MALRD1: variants seen among roughly 807,000 people sequenced by gnomAD.
MALRD1 encodes the protein MAM and LDL receptor class A domain containing 1.
Under a neutral mutation model 242.1 loss-of-function variants are expected in MALRD1, and 247 were observed. That is an observed-to-expected ratio of 1.02 (90% confidence interval 0.92 to 1.13). MALRD1 has a LOEUF of 1.13. MALRD1 is among the 50% of genes most tolerant of loss of function. The pLI, the probability that MALRD1 is intolerant of heterozygous loss-of-function variation, is 0.00. For synonymous variants in MALRD1, 995 were observed against 866.6 expected, an observed-to-expected ratio of 1.15 and a Z score of -2.60; for missense variants, 2,989 against 2,533.1, an observed-to-expected ratio of 1.18 and a Z score of -3.86.
At chr10:19,071,605 T>A (rs1240107205) in intron 2 of MALRD1, among the ~76,000 whole-genome samples, 2 of 152,152 alleles carry the variant, frequency 1.3e-5, no homozygotes, top group African/African-American at 4.8e-5. Context: ...ACGTAATCAT[T>A]ATGTTCATCA....
intron 11 of MALRD1, among the ~76,000 whole-genome samples, chr10:19,150,699 C>T (rs1833917946): frequency 6.6e-6 from 1 of 152,188 alleles, no homozygotes; most frequent in Non-Finnish European, 1.5e-5. Context: ...CTATATTTGA[C>T]AGTCCATGCT....
intron 38 of MALRD1, chr10:19,716,665 A>G (rs1834404378): frequency 6.6e-6 from 1 of 152,200 alleles, no homozygotes; most frequent in Non-Finnish European, 1.5e-5. Context: ...CTTTTCTTTT[A>G]CACCAAAGCT....
intron 36 of MALRD1, among the ~76,000 whole-genome samples, chr10:19,629,611 A>T (rs149673164): frequency 2.4e-4 from 37 of 152,248 alleles, no homozygotes; most frequent in African/African-American, 8.2e-4. Context: ...GTTGGTTGAA[A>T]ATGACACCTC....
At chr10:19,069,722 A>G (rs1835084817) in intron 2 of MALRD1, among the ~76,000 whole-genome samples, 1 of 148,268 alleles carries the variant, frequency 6.7e-6, no homozygotes, top group South Asian at 2.1e-4. Context: ...TGCTGTCTTC[A>G]CCTAGTTTCT....
intron 13 of MALRD1, among the ~76,000 whole-genome samples, chr10:19,167,704 G>A (rs549232027): frequency 2.0e-5 from 3 of 152,240 alleles, no homozygotes; most frequent in South Asian, 4.1e-4. Context: ...GCCTCCTGAG[G>A]ACAGGCTGGC....
In MALRD1 at chr10:19,734,212, A is replaced by T; in HGVS notation, c.6446A>T (p.Glu2149Val). 2 of 1,536,056 alleles carry T rather than the reference A, an allele frequency of 1.3e-6. No individual in the cohort carries two copies. The highest frequency in any genetic ancestry group is 1.7e-6 in the Non-Finnish European group (2 of 1,146,772). ...TATGGCACAACATCAGGAAGCCTGGAGACCCTGTCACATCATCTCAAATAG... is the reference window on the plus strand; with the variant it reads ...TATGGCACAACATCAGGAAGCCTGGTGACCCTGTCACATCATCTCAAATAG... The part of the protein sequence containing the change: ...PLYGTTSGSL[E>V]TLSHHLK Residue 2149 changes from glutamate (E) to valine (V), a missense_variant, in exon 40 of 40, where the codon GAG becomes GTG. Coordinates refer to ENST00000454679, the MANE Select transcript of MALRD1 (RefSeq NM_001142308.3).
At chr10:19,525,237 CTT>C (rs113486212) in intron 31 of MALRD1, among the ~76,000 whole-genome samples, 32 of 148,034 alleles carry the variant, frequency 2.2e-4, no homozygotes, top group African/African-American at 6.9e-4. Flanking sequence ...AAAGTATCAA[CTT>C]TTTTTTTTTA....
At chr10:19,603,140 G>T (rs1338349335) in intron 34 of MALRD1, among the ~76,000 whole-genome samples, 2 of 152,008 alleles carry the variant, frequency 1.3e-5, no homozygotes, top group African/African-American at 4.8e-5. Flanking sequence ...CCATTCTGTA[G>T]GTTGCCTGTT....
chr10:19,467,017 C>T (rs566917870), intron 29 of MALRD1, among the ~76,000 whole-genome samples: 2 of 152,104 alleles, frequency 1.3e-5, no homozygotes, highest in East Asian at 1.9e-4. Context: ...GGACAGAAGT[C>T]GCATTGGATT....
chr10:19,517,481 TA>T (rs1833686218), intron 31 of MALRD1, among the ~76,000 whole-genome samples: 1 of 152,206 alleles, frequency 6.6e-6, no homozygotes, highest in Non-Finnish European at 1.5e-5. Context: ...ATGCCTTTTC[TA>T]AAGAGTTTTC....
chr10:19,122,407 C>A (rs2131377013), intron 5 of MALRD1, among the ~76,000 whole-genome samples: 1 of 152,138 alleles, frequency 6.6e-6, no homozygotes. Context: ...AGTTCTCCTT[C>A]AAAGTCATCA....
intron 31 of MALRD1, among the ~76,000 whole-genome samples, chr10:19,520,948 A>G (rs1472407162): frequency 6.6e-6 from 1 of 152,170 alleles, no homozygotes; most frequent in Non-Finnish European, 1.5e-5. Flanking sequence ...ATATTTGTCT[A>G]CATTTATTTA....
chr10:19,451,087 C>G (rs1443689825), intron 29 of MALRD1, among the ~76,000 whole-genome samples: 1 of 152,182 alleles, frequency 6.6e-6, no homozygotes, highest in Non-Finnish European at 1.5e-5. Context: ...CACCTCTCTT[C>G]CTTCCGTACC....
intron 28 of MALRD1, among the ~76,000 whole-genome samples, chr10:19,437,242 G>A (rs535965100): frequency 6.6e-6 from 1 of 152,038 alleles, no homozygotes; most frequent in African/African-American, 2.4e-5. Context: ...TTGTCTCTTT[G>A]TTCTTCGTTT....
At chr10:19,248,301 T>G (rs1433512186) in intron 18 of MALRD1, among the ~76,000 whole-genome samples, 2 of 151,894 alleles carry the variant, frequency 1.3e-5, no homozygotes, top group Non-Finnish European at 2.9e-5. Flanking sequence ...TTGAAAAAAG[T>G]GTTTATTTTG....
intron 21 of MALRD1, among the ~76,000 whole-genome samples, chr10:19,319,899 T>A (rs927440959): frequency 1.4e-4 from 21 of 152,108 alleles, no homozygotes; most frequent in Non-Finnish European, 2.9e-4. Flanking sequence ...TGAGTCTTTT[T>A]TTTTAAACTT....
chr10:19,604,047 T>C (rs2131583854), intron 34 of MALRD1, among the ~76,000 whole-genome samples: 1 of 152,270 alleles, frequency 6.6e-6, no homozygotes, highest in African/African-American at 2.4e-5. Context: ...ATCTCTGACT[T>C]TAAATCAAAA....
intron 38 of MALRD1, chr10:19,722,418 C>G (rs148095035): frequency 6.6e-6 from 1 of 151,648 alleles, no homozygotes; most frequent in Non-Finnish European, 1.5e-5. Flanking sequence ...AGTGAGATGT[C>G]ATCTCTGCAA....
chr10:19,551,701 GCC>G (rs1835477791), intron 32 of MALRD1, among the ~76,000 whole-genome samples: 1 of 152,014 alleles, frequency 6.6e-6, no homozygotes, highest in Non-Finnish European at 1.5e-5. Context: ...TCTAGCTTTT[GCC>G]CATTGAGTAT....
Sources: allele counts gnomAD v4.1 joint callset (sites outside exome capture counted in the v4.1 genomes callset), GRCh38; gene constraint gnomAD v4.1.1; transcripts MANE v1.5; gene names NCBI Gene and HGNC (gene_info 2026-07-23, HGNC 2026-07-21).